BABAM2: variants seen among roughly 807,000 people sequenced by gnomAD.
The protein encoded by BABAM2 is BRISC and BRCA1-A complex member 2.
In BABAM2, 31 loss-of-function variants were observed where a neutral mutation model predicts 54.7. That is an observed-to-expected ratio of 0.57 (90% CI 0.43 to 0.77). The LOEUF (loss-of-function observed/expected upper bound fraction) is 0.77, where lower values mean the gene tolerates loss of function less well. Among genes scored for constraint, BABAM2 ranks in the 30% least tolerant of loss-of-function variants. The probability of loss-of-function intolerance (pLI) is 0.00; values close to 1 mark genes in which losing one functional copy is unlikely to be tolerated. For missense variants in BABAM2, 364 were observed against 455.8 expected, an observed-to-expected ratio of 0.80 and a Z score of 1.83; for synonymous variants, 167 against 162.9, an observed-to-expected ratio of 1.03 and a Z score of -0.19.
At chr2:27,981,896 T>C (rs1258643310) in intron 3 of BABAM2, among the ~76,000 whole-genome samples, 1 of 152,170 alleles carries the variant, frequency 6.6e-6, no homozygotes, top group Non-Finnish European at 1.5e-5. Flanking sequence ...TAGGGTCAGA[T>C]GGTAGCTCTA....
At chr2:28,260,299 C>CTTTTTTTTTTTTTTTTTT (rs965855673) in intron 10 of BABAM2, among the ~76,000 whole-genome samples, 2 of 120,426 alleles carry the variant, frequency 1.7e-5, no homozygotes, top group Non-Finnish European at 3.5e-5. Context: ...TATTTCTTTT[C>CTTTTTTTTTTTTTTTTTT]TTTTTTTTTT....
intron 4 of BABAM2, among the ~76,000 whole-genome samples, chr2:28,006,045 A>G (rs768296257): frequency 6.6e-6 from 1 of 152,126 alleles, no homozygotes; most frequent in African/African-American, 2.4e-5. Context: ...ATTAAGATCT[A>G]TGCATTGTGA....
chr2:27,949,650 GGAA>G (rs552488597), intron 3 of BABAM2, among the ~76,000 whole-genome samples: 69 of 152,280 alleles, frequency 4.5e-4, no homozygotes, highest in South Asian at 2.9e-3. Context: ...AACTGGGGAT[GGAA>G]GAAGAAGATG....
rs565464761 is a variant in BABAM2 at position 28,282,241 on chromosome 2, CA to C, written c.935-16096del. ...AAGGAAGAAAACAAGGACATGGAAA[CA>C]TCAAAAATAAAAATTCTTAAAAGTC... is the stretch of plus-strand genomic sequence containing the variant. On this transcript the variant is annotated intron_variant, in intron 10 of 11. Coordinates refer to ENST00000379624, the MANE Select transcript of BABAM2 (RefSeq NM_199191.3). 1.9e-4 allele frequency among the ~76,000 whole-genome samples: 29 copies of C among 152,212 alleles called. No individual in the cohort carries two copies. The South Asian group carries it at 6.0e-3, about 32-fold the overall frequency.
At chr2:28,130,921 A>T (rs557224494) in intron 7 of BABAM2, among the ~76,000 whole-genome samples, 5 of 151,808 alleles carry the variant, frequency 3.3e-5, no homozygotes, top group African/African-American at 1.2e-4. Context: ...TTGTATTTTC[A>T]TTAGAGACAG....
chr2:28,064,825 A>G (rs984946479), intron 6 of BABAM2, among the ~76,000 whole-genome samples: 8 of 152,248 alleles, frequency 5.3e-5, no homozygotes, highest in African/African-American at 1.9e-4. Flanking sequence ...AACATGGTGA[A>G]ACCTCTTCTC....
chr2:28,292,959 C>T (rs1455587814), intron 10 of BABAM2, among the ~76,000 whole-genome samples: 1 of 152,188 alleles, frequency 6.6e-6, no homozygotes, highest in Non-Finnish European at 1.5e-5. Context: ...ATATCACTTA[C>T]TATATGGTGA....
In BABAM2 at chr2:28,094,722, A is replaced by G. The variant is rs145249141; in HGVS notation, c.571-34549A>G. Among the ~76,000 whole-genome samples the G allele has an allele frequency of 9.9e-5, 15 of 152,086 alleles. No individual in the cohort carries two copies. The East Asian group carries it at 2.9e-3, about 29-fold the overall frequency. The stretch of plus-strand genomic sequence containing the variant: ...ATTCCCTTTCCGGTTCTCTATAGAC[A>G]GTCACTTTTATTAGTTTCTTATGTA... On this transcript the variant is annotated intron_variant, in intron 6 of 11. Coordinates refer to ENST00000379624, the MANE Select transcript of BABAM2 (RefSeq NM_199191.3).
intron 6 of BABAM2, among the ~76,000 whole-genome samples, chr2:28,109,815 A>G (rs182670672): frequency 6.6e-6 from 1 of 151,944 alleles, no homozygotes; most frequent in East Asian, 1.9e-4. Context: ...CTTTTATCCA[A>G]GTTTTTGGAA....
intron 10 of BABAM2, among the ~76,000 whole-genome samples, chr2:28,287,849 C>T (rs1686953737): frequency 6.6e-6 from 1 of 152,124 alleles, no homozygotes; most frequent in African/African-American, 2.4e-5. Context: ...GAGTTCACAC[C>T]CGGCCCCTCT....
At chr2:27,903,856 A>AT (rs559540519) in intron 2 of BABAM2, among the ~76,000 whole-genome samples, 2 of 151,530 alleles carry the variant, frequency 1.3e-5, no homozygotes, top group Non-Finnish European at 1.5e-5. Context: ...ACATCAGCAT[A>AT]TTTTTTTTTA....
chr2:28,246,147 A>AGT (rs1249507985), intron 10 of BABAM2, among the ~76,000 whole-genome samples: 1 of 152,134 alleles, frequency 6.6e-6, no homozygotes, highest in Non-Finnish European at 1.5e-5. Context: ...CATAACCTAC[A>AGT]GTGTGGGGCC....
intron 7 of BABAM2, among the ~76,000 whole-genome samples, chr2:28,233,647 G>C (rs1045019401): frequency 6.6e-6 from 1 of 152,150 alleles, no homozygotes; most frequent in Non-Finnish European, 1.5e-5. Flanking sequence ...AAACTACTGG[G>C]TTAAATAAAG....
chr2:27,906,545 A>C (rs947718893), intron 2 of BABAM2, among the ~76,000 whole-genome samples: 8 of 152,186 alleles, frequency 5.3e-5, no homozygotes, highest in African/African-American at 1.9e-4. Context: ...AACCCAATGA[A>C]GTCTGAAATC....
chr2:28,326,176 A>G (rs565599485), intron 11 of BABAM2, among the ~76,000 whole-genome samples: 1 of 152,172 alleles, frequency 6.6e-6, no homozygotes, highest in South Asian at 2.1e-4. Context: ...GTAATCTGTG[A>G]GCTTGGTGGT....
At chr2:28,201,126 G>T (rs1461936440) in intron 7 of BABAM2, among the ~76,000 whole-genome samples, 1 of 152,128 alleles carries the variant, frequency 6.6e-6, no homozygotes, top group Non-Finnish European at 1.5e-5. Context: ...AATAACCAAG[G>T]ATCCGTGTCC....
intron 6 of BABAM2, among the ~76,000 whole-genome samples, chr2:28,078,216 C>G (rs1664858840): frequency 6.6e-6 from 1 of 151,860 alleles, no homozygotes; most frequent in Non-Finnish European, 1.5e-5. Context: ...ACTTAGTAGC[C>G]AATTAGCAGA....
intron 6 of BABAM2, among the ~76,000 whole-genome samples, chr2:28,116,473 A>ATTG (rs1668625156): frequency 2.6e-5 from 4 of 152,196 alleles, no homozygotes; most frequent in Admixed American, 2.6e-4. Flanking sequence ...CTTGGAAATA[A>ATTG]CCAATTGCTT....
rs1673866825 is a variant in BABAM2, at chr2:28,167,733, TAAATAAC to T, written c.680+38354_680+38360del. Reference sequence around the variant, plus strand: ...ATAAATAAATAAATAAATAAATAAATAAATAACGCAGTTTGCTAAGTCTGTTTGGTAG... The same window carrying T: ...ATAAATAAATAAATAAATAAATAAATGCAGTTTGCTAAGTCTGTTTGGTAG... On this transcript the variant is annotated intron_variant, in intron 7 of 11. Coordinates refer to ENST00000379624, the MANE Select transcript of BABAM2 (RefSeq NM_199191.3). Among the ~76,000 whole-genome samples, 10 of 134,628 alleles carry T rather than the reference TAAATAAC, an allele frequency of 7.4e-5. 1 individual carries two copies. In the South Asian group the frequency reaches 1.9e-3, roughly 26 times the overall value. 88.3% of individuals were successfully genotyped at this position (134,628 alleles called of 152,430 possible).
Sources: allele counts gnomAD v4.1 joint callset (sites outside exome capture counted in the v4.1 genomes callset), GRCh38; gene constraint gnomAD v4.1.1; transcripts MANE v1.5; gene names NCBI Gene and HGNC (gene_info 2026-07-23, HGNC 2026-07-21).